Variants in ASTN2 observed in about 807,000 individuals in gnomAD.
ASTN2 encodes the protein astrotactin-2.
ASTN2 carries 54 observed loss-of-function variants against 139.8 expected under a neutral mutation model. That is an observed-to-expected ratio of 0.39 (90% CI 0.31 to 0.48). The LOEUF (loss-of-function observed/expected upper bound fraction) is 0.48. Among genes scored for constraint, ASTN2 ranks in the 20% least tolerant of loss-of-function variants. The pLI is 0.95. For synonymous variants in ASTN2, 756 were observed against 719.5 expected, an observed-to-expected ratio of 1.05 and a Z score of -0.81; for missense variants, 1,565 against 1,725.1, an observed-to-expected ratio of 0.91 and a Z score of 1.64.
chr9:116,590,641 G>A (rs921285541), intron 19 of ASTN2, among the ~76,000 whole-genome samples: 38 of 152,184 alleles, frequency 2.5e-4, no homozygotes, highest in African/African-American at 8.4e-4. Flanking sequence ...GGGCTGGGCT[G>A]CCAGATCTAT....
chr9:116,607,490 A>C (rs1014132571), intron 19 of ASTN2, among the ~76,000 whole-genome samples: 3 of 152,152 alleles, frequency 2.0e-5, no homozygotes, highest in Non-Finnish European at 4.4e-5. Flanking sequence ...ATCTGTGTAA[A>C]GTGACCCTAG....
At chr9:117,195,457 G>A (rs1196771371) in intron 3 of ASTN2, among the ~76,000 whole-genome samples, 1 of 152,140 alleles carries the variant, frequency 6.6e-6, no homozygotes. Context: ...GCTGCAGTGT[G>A]GAGAAGGGAG....
At chr9:116,457,903 T>C (rs991419574) in intron 20 of ASTN2, among the ~76,000 whole-genome samples, 3 of 152,120 alleles carry the variant, frequency 2.0e-5, no homozygotes, top group Admixed American at 1.3e-4. Flanking sequence ...TGTACTCCCA[T>C]GTTTATTTCA....
chr9:116,702,872 GA>G (rs2132083134), intron 16 of ASTN2, among the ~76,000 whole-genome samples: 1 of 152,314 alleles, frequency 6.6e-6, no homozygotes, highest in African/African-American at 2.4e-5. Flanking sequence ...TGAGTCTGTA[GA>G]GGGGCACTCT....
chr9:117,351,085 C>G (rs1371525405), intron 1 of ASTN2, among the ~76,000 whole-genome samples: 1 of 152,114 alleles, frequency 6.6e-6, no homozygotes, highest in Non-Finnish European at 1.5e-5. Flanking sequence ...TTAACAGAAG[C>G]GCATGACAGA....
At chr9:117,299,280 A>G (rs955826450) in intron 1 of ASTN2, among the ~76,000 whole-genome samples, 3 of 152,136 alleles carry the variant, frequency 2.0e-5, no homozygotes, top group African/African-American at 7.2e-5. Context: ...AGATGCAAAT[A>G]CTCACTTTAA....
At chr9:116,989,145 T>C (rs944688171) in intron 7 of ASTN2, among the ~76,000 whole-genome samples, 5 of 152,156 alleles carry the variant, frequency 3.3e-5, no homozygotes, top group African/African-American at 4.8e-5. Context: ...CATTTTTTTT[T>C]CCAAGCAGCA....
At chr9:117,097,192 G>T (rs1453197431) in intron 4 of ASTN2, among the ~76,000 whole-genome samples, 1 of 152,196 alleles carries the variant, frequency 6.6e-6, no homozygotes, top group Non-Finnish European at 1.5e-5. Flanking sequence ...AGGAGGAGAT[G>T]AGTGCAAAGG....
At chr9:116,835,197 A>C (rs778501050) in intron 11 of ASTN2, among the ~76,000 whole-genome samples, 41 of 152,130 alleles carry the variant, frequency 2.7e-4, no homozygotes, top group Non-Finnish European at 2.8e-4. Flanking sequence ...CCAAATTACT[A>C]TCTGAGGGGT....
intron 3 of ASTN2, among the ~76,000 whole-genome samples, chr9:117,191,224 T>C (rs201978127): frequency 3.2e-5 from 1 of 31,128 alleles, no homozygotes; most frequent in African/African-American, 1.4e-4. Flanking sequence ...GAATACAAAA[T>C]AGCAAAAAAA....
intron 19 of ASTN2, among the ~76,000 whole-genome samples, chr9:116,546,895 G>C (rs56233748): frequency 0.033 from 4,955 of 152,224 alleles, 113 homozygotes; most frequent in Non-Finnish European, 0.044. Context: ...TTGAACTCTT[G>C]TCACTGACTC....
chr9:116,743,004 A>C (rs1457569231), intron 13 of ASTN2, among the ~76,000 whole-genome samples: 2 of 152,108 alleles, frequency 1.3e-5, no homozygotes, highest in Non-Finnish European at 2.9e-5. Flanking sequence ...CAGCGCTCAG[A>C]GCCAAGCTCA....
intron 16 of ASTN2, among the ~76,000 whole-genome samples, chr9:116,678,813 T>C (rs1015619188): frequency 7.9e-5 from 12 of 152,118 alleles, no homozygotes; most frequent in Non-Finnish European, 1.6e-4. Flanking sequence ...TGATAGAAAA[T>C]TGTAAAGAGT....
chr9:116,963,214 G>A (rs1835918549), intron 10 of ASTN2, among the ~76,000 whole-genome samples: 1 of 152,206 alleles, frequency 6.6e-6, no homozygotes, highest in African/African-American at 2.4e-5. Context: ...GATGCTCAGA[G>A]GAAGTGATGC....
intron 10 of ASTN2, among the ~76,000 whole-genome samples, chr9:116,955,011 A>G (rs1202960215): frequency 6.6e-6 from 1 of 152,272 alleles, no homozygotes; most frequent in Admixed American, 6.5e-5. Context: ...AAATGTAGGC[A>G]AGACCTCGTG....
intron 19 of ASTN2, among the ~76,000 whole-genome samples, chr9:116,610,233 G>A (rs1855465717): frequency 6.6e-6 from 1 of 152,116 alleles, no homozygotes; most frequent in South Asian, 2.1e-4. Flanking sequence ...AATAATGCCA[G>A]CTTGGATTAA....
intron 19 of ASTN2, among the ~76,000 whole-genome samples, chr9:116,602,409 A>G (rs529368591): frequency 6.6e-6 from 1 of 152,338 alleles, no homozygotes; most frequent in African/African-American, 2.4e-5. Flanking sequence ...TATAAAATAT[A>G]GGATATAAGG....
chr9:116,562,733 T>TAAAAAA (rs35878476), intron 19 of ASTN2, among the ~76,000 whole-genome samples: 1 of 64,466 alleles, frequency 1.6e-5, no homozygotes, highest in African/African-American at 6.4e-5. Flanking sequence ...ACTGCCTCAT[T>TAAAAAA]AAAAAAAAAA....
chr9:117,067,320 T>C (rs1474118970), intron 5 of ASTN2, among the ~76,000 whole-genome samples: 1 of 139,166 alleles, frequency 7.2e-6, no homozygotes, highest in South Asian at 2.4e-4. Flanking sequence ...CAGTTGTAGG[T>C]ATGCGGCATT....
Sources: allele counts gnomAD v4.1 joint callset (sites outside exome capture counted in the v4.1 genomes callset), GRCh38; gene constraint gnomAD v4.1.1; transcripts MANE v1.5; gene names NCBI Gene and HGNC (gene_info 2026-07-23, HGNC 2026-07-21).